The following TOX variants were observed in gnomAD, a reference collection of about 807,000 sequenced individuals.
TOX encodes the protein thymocyte selection associated high mobility group box, also known as thymocyte selection-associated high mobility group box protein TOX.
A neutral mutation model predicts 53.7 loss-of-function variants in TOX; 11 were observed. That is an observed-to-expected ratio of 0.20 (90% CI 0.13 to 0.34). The LOEUF (loss-of-function observed/expected upper bound fraction) is 0.34. TOX is among the 10% of genes least tolerant of loss of function. The pLI, the probability that TOX is intolerant of heterozygous loss-of-function variation, is 1.00. For missense variants in TOX, 570 were observed against 664.6 expected (o/e 0.86, Z 1.56); for synonymous variants, 225 against 245.3 (o/e 0.92, Z 0.77).
intron 1 of TOX, among the ~76,000 whole-genome samples, chr8:59,112,934 T>A (rs144463168): frequency 8.3e-4 from 127 of 152,368 alleles, no homozygotes; most frequent in African/African-American, 3.0e-3. Context: ...CTCATGATAA[T>A]TACATTTTTA....
At chr8:59,016,857 G>A (rs1223364897) in intron 1 of TOX, among the ~76,000 whole-genome samples, 1 of 152,188 alleles carries the variant, frequency 6.6e-6, no homozygotes, top group East Asian at 1.9e-4. Flanking sequence ...AAGATACTGA[G>A]TTTTTGATAA....
At chr8:58,971,056 G>T (rs925420843) in intron 1 of TOX, among the ~76,000 whole-genome samples, 2 of 152,274 alleles carry the variant, frequency 1.3e-5, no homozygotes, top group South Asian at 4.1e-4. Flanking sequence ...TTAGATAATG[G>T]CTAAAAGCTT....
At chr8:58,880,024 T>C (rs1381814558) in intron 3 of TOX, among the ~76,000 whole-genome samples, 1 of 152,198 alleles carries the variant, frequency 6.6e-6, no homozygotes, top group Non-Finnish European at 1.5e-5. Flanking sequence ...TTTTGAAACA[T>C]TCAAAAATAA....
intron 1 of TOX, among the ~76,000 whole-genome samples, chr8:59,011,405 C>G (rs1415580755): frequency 6.6e-6 from 1 of 152,236 alleles, no homozygotes; most frequent in African/African-American, 2.4e-5. Flanking sequence ...GGCTCACTCT[C>G]TAACCGAAAA....
chr8:58,910,900 A>T (rs949691398), intron 3 of TOX, among the ~76,000 whole-genome samples: 13 of 152,220 alleles, frequency 8.5e-5, no homozygotes, highest in African/African-American at 1.9e-4. Flanking sequence ...TGGTCAAATG[A>T]GGCTAGAGAT....
intron 3 of TOX, among the ~76,000 whole-genome samples, chr8:58,867,909 A>G (rs1811130532): frequency 6.6e-6 from 1 of 152,188 alleles, no homozygotes; most frequent in Admixed American, 6.5e-5. Context: ...GAATTGCAGA[A>G]CCATCAGTTA....
rs1175125590 is a variant in TOX, at chr8:58,808,180, A to T, written c.1482T>A (p.Arg494=). The T allele has an allele frequency of 6.2e-7, 1 of 1,614,140 alleles. No homozygotes were observed. The highest frequency in any genetic ancestry group is 8.5e-7 in the Non-Finnish European group (1 of 1,179,998). The part of the protein sequence containing the change: ...QVVTQAMEYV[R]SGCRNPPPQP... The stretch of plus-strand genomic sequence containing the variant: ...GTGGGGGAGGATTTCTGCACCCCGA[A>T]CGCACATACTCCATTGCCTGGGTGA... The change falls in exon 8 of 9, where the codon CGT becomes CGA. Residue 494 remains arginine, a synonymous_variant. Transcript: ENST00000361421.
intron 1 of TOX, among the ~76,000 whole-genome samples, chr8:58,981,279 C>A (rs1046233937): frequency 6.6e-6 from 1 of 152,136 alleles, no homozygotes; most frequent in Non-Finnish European, 1.5e-5. Flanking sequence ...TACCTTTAAT[C>A]CCTCTACCTC....
intron 4 of TOX, among the ~76,000 whole-genome samples, chr8:58,850,238 T>G (rs1810787285): frequency 6.6e-6 from 1 of 152,116 alleles, no homozygotes; most frequent in Non-Finnish European, 1.5e-5. Context: ...ATGGAAATGA[T>G]GATTGTGAGG....
At chr8:59,054,469 T>G (rs781444098) in intron 1 of TOX, among the ~76,000 whole-genome samples, 2 of 152,234 alleles carry the variant, frequency 1.3e-5, no homozygotes, top group Non-Finnish European at 2.9e-5. Context: ...ATGGCTTCTA[T>G]GATTTGTATC....
At chr8:59,068,355 G>C (rs16924540) in intron 1 of TOX, among the ~76,000 whole-genome samples, 2,051 of 151,798 alleles carry the variant, frequency 0.014, 55 homozygotes, top group African/African-American at 0.047. Flanking sequence ...TTTATCTAGT[G>C]GGGGAGATAG....
rs977048592 is a variant in TOX, at chr8:58,928,500, A to G, written c.411+10802T>C. Among the ~76,000 whole-genome samples, 73 of 150,290 alleles carry G rather than the reference A, an allele frequency of 4.9e-4. 1 individual carries two copies. Among genetic ancestry groups the G allele is most frequent in the Non-Finnish European group, 1.5e-4 (10 of 67,130 alleles). Reference sequence around the variant, plus strand: ...ACACACAAACCTAATCAACACATGAATGCGTAGAGAGACAGAAAGAAAGAT... The same window carrying G: ...ACACACAAACCTAATCAACACATGAGTGCGTAGAGAGACAGAAAGAAAGAT... On this transcript the variant is annotated intron_variant, in intron 3 of 8. Coordinates refer to ENST00000361421, the MANE Select transcript of TOX (RefSeq NM_014729.3).
chr8:58,970,584 C>T (rs1210589796), intron 1 of TOX, among the ~76,000 whole-genome samples: 1 of 152,184 alleles, frequency 6.6e-6, no homozygotes, highest in African/African-American at 2.4e-5. Flanking sequence ...GAGGTGCCTT[C>T]TCTGTGCCTA....
intron 3 of TOX, among the ~76,000 whole-genome samples, chr8:58,905,388 T>C (rs1811796496): frequency 6.6e-6 from 1 of 152,238 alleles, no homozygotes; most frequent in Non-Finnish European, 1.5e-5. Flanking sequence ...TGACAGGCAA[T>C]GTTTACCACC....
intron 3 of TOX, among the ~76,000 whole-genome samples, chr8:58,863,097 TA>T (rs36016179): frequency 3.9e-5 from 6 of 151,974 alleles, no homozygotes; most frequent in Non-Finnish European, 5.9e-5. Flanking sequence ...TCTAAAGTGT[TA>T]AAAAAAATCA....
At chr8:59,054,924 GAA>G (rs1316002979) in intron 1 of TOX, among the ~76,000 whole-genome samples, 2 of 110,510 alleles carry the variant, frequency 1.8e-5, no homozygotes, top group Non-Finnish European at 3.5e-5. Context: ...GAGAAAGAAA[GAA>G]AGAAAAAGAA....
chr8:58,900,080 A>G (rs1302822751), intron 3 of TOX, among the ~76,000 whole-genome samples: 1 of 151,964 alleles, frequency 6.6e-6, no homozygotes, highest in Non-Finnish European at 1.5e-5. Context: ...TTCTATTTGC[A>G]GTGATCAATA....
intron 1 of TOX, among the ~76,000 whole-genome samples, chr8:59,005,107 C>T (rs947719161): frequency 1.3e-4 from 19 of 151,834 alleles, no homozygotes; most frequent in Non-Finnish European, 2.5e-4. Context: ...GGCACGATCT[C>T]GGCTCACTGC....
intron 1 of TOX, among the ~76,000 whole-genome samples, chr8:59,070,508 C>G (rs1586001028): frequency 1.2e-5 from 1 of 82,562 alleles, no homozygotes; most frequent in Non-Finnish European, 2.1e-5. Flanking sequence ...TCAAGGAAAA[C>G]ACACACACAC....
Sources: gnomAD v4.1 joint callset for allele counts (sites outside exome capture counted in the v4.1 genomes callset) on GRCh38, gnomAD v4.1.1 for gene constraint, MANE v1.5 for transcripts, NCBI Gene and HGNC (gene_info 2026-07-23, HGNC 2026-07-21) for gene names.